DNAJA4: variants seen among roughly 807,000 people sequenced by gnomAD.
The protein encoded by DNAJA4 is DnaJ heat shock protein family (Hsp40) member A4.
A neutral mutation model predicts 39.7 loss-of-function variants in DNAJA4; 32 were observed. The ratio of observed to expected loss-of-function variants is 0.81; its 90% CI spans 0.61 to 1.08. The LOEUF (loss-of-function observed/expected upper bound fraction) is 1.08, where lower values mean the gene tolerates loss of function less well. Ranked by LOEUF, DNAJA4 falls within the 50% of genes least tolerant of loss-of-function variation. DNAJA4 has a pLI of 0.00. For missense variants in DNAJA4, 439 were observed against 505.1 expected (o/e 0.87, Z 1.25); for synonymous variants, 184 against 182.4 (o/e 1.01, Z -0.07).
Position 78,280,571 on chromosome 15 carries a change from G to A in DNAJA4, c.*111G>A. ...CTTGTGTTTGGGATGTCCTGTGTATGTGTTCAGCATTCTTAATTGCTGAGT... is the reference window on the plus strand; with the variant it reads ...CTTGTGTTTGGGATGTCCTGTGTATATGTTCAGCATTCTTAATTGCTGAGT... On this transcript the variant is annotated 3_prime_UTR_variant, in exon 7 of 7. Transcript: ENST00000394852. 2.2e-6 allele frequency: 2 copies of A among 915,244 alleles called. No homozygotes were observed. Among genetic ancestry groups the A allele is most frequent in the East Asian group, 5.3e-5 (2 of 37,540 alleles). The allele number at this position is 915,244 out of a possible 1,614,324, so 56.7% of individuals were successfully genotyped here. A position where few individuals can be genotyped will look rare whatever the true frequency, so the allele number is the denominator to read the frequency against.
At chr15:78,276,423 C>T (rs748766887) in intron 5 of DNAJA4, among the ~76,000 whole-genome samples, 2 of 152,252 alleles carry the variant, frequency 1.3e-5, no homozygotes, top group Admixed American at 6.5e-5. Flanking sequence ...GCTCAGCCCC[C>T]AACCCCCCTG....
intron 4 of DNAJA4, 79 bp from the exon 5 acceptor site, chr15:78,275,419 T>A (rs2049425339): frequency 8.4e-6 from 10 of 1,185,700 alleles, no homozygotes; most frequent in Middle Eastern, 2.0e-4. Context: ...CCTGAAGGAC[T>A]CTGTTCCTTC....
chr15:78,274,339 C>T lies in DNAJA4; in HGVS notation c.561C>T (p.Arg187=). The T allele has an allele frequency of 1.2e-6, 2 of 1,614,188 alleles. No homozygotes were observed. The highest frequency in any genetic ancestry group is 2.2e-5 in the South Asian group (2 of 91,082). Residue 187 remains arginine (R), a synonymous_variant, in exon 4 of 7, where the codon CGC becomes CGT. Transcript: ENST00000394852. ...TCGAGTGCAAGGGCCAGGGTGAGCG[C>T]ATCAACCCCAAGGACCGCTGCGAGA... ...VCIECKGQGE[R]INPKDRCESC... is the part of the protein sequence containing the mutation.
chr15:78,264,979 T>G lies in DNAJA4; in HGVS notation c.132+84T>G, dbSNP rs547537187. 4 of 1,396,158 alleles carry G rather than the reference T, an allele frequency of 2.9e-6. No homozygotes were observed. In the South Asian group the frequency reaches 5.6e-5, roughly 20 times the overall value. The allele number at this position is 1,396,158 out of a possible 1,614,324, so 86.5% of individuals were successfully genotyped here. ...GGAGCATTGAAGGCGACGGGAAACCTGAGCCGCGTTTGTTGGGGAGGCTGT... is the reference window on the plus strand; with the variant it reads ...GGAGCATTGAAGGCGACGGGAAACCGGAGCCGCGTTTGTTGGGGAGGCTGT... On this transcript the variant is annotated intron_variant, in intron 1 of 6. Coordinates refer to ENST00000394852, the MANE Select transcript of DNAJA4 (RefSeq NM_001130182.2).
upstream of DNAJA4, chr15:78,264,454 GC>G: frequency 7.5e-7 from 1 of 1,326,138 alleles, no homozygotes; most frequent in Non-Finnish European, 9.6e-7. Flanking sequence ...CCGCCGCGGG[GC>G]CGCCGGAACC....
chr15:78,278,272 G>A (rs1311357030), intron 5 of DNAJA4: 2 of 455,996 alleles, frequency 4.4e-6, no homozygotes, highest in South Asian at 1.5e-5. Context: ...AGCATGGGGA[G>A]TAGGGCTTGA....
At chr15:78,266,369 G>C (rs1400134288) in intron 1 of DNAJA4, 1 of 1,336,598 alleles carries the variant, frequency 7.5e-7, no homozygotes, top group Non-Finnish European at 1.1e-6. Context: ...TAAAAAATTA[G>C]ACTTGACCTG....
intron 5 of DNAJA4, chr15:78,278,294 A>C (rs1430906299): frequency 2.2e-6 from 1 of 455,952 alleles, no homozygotes; most frequent in Non-Finnish European, 4.4e-6. Context: ...AGCAGCAAGA[A>C]GCGACACCTG....
rs781248827 is a variant in DNAJA4 at position 78,275,712 on chromosome 15, T to C, written c.861T>C (p.Val287=). ...TIKTLDNRIL[V]ITSKAGEVIK... is the part of the protein sequence containing the mutation. Reference sequence around the variant, plus strand: ...AAACATTGGACAATCGAATTCTTGTTATTACATCCAAAGCAGGTAATGTTT... The same window carrying C: ...AAACATTGGACAATCGAATTCTTGTCATTACATCCAAAGCAGGTAATGTTT... The change falls in exon 5 of 7, where the codon GTT becomes GTC. Residue 287 remains valine (V), a synonymous_variant. Transcript: ENST00000394852. 8.1e-6 allele frequency: 13 copies of C among 1,607,878 alleles called. No homozygotes were observed. The African/African-American group carries it at 1.6e-4, about 20-fold the overall frequency.
In DNAJA4 at chr15:78,282,170, T is replaced by C. The variant is rs2049678176; in HGVS notation, c.*1710T>C. 1 of 152,178 alleles carries C rather than the reference T, an allele frequency of 6.6e-6. No individual in the cohort carries two copies. The highest frequency in any genetic ancestry group is 2.4e-5 in the African/African-American group (1 of 41,428). 9.4% of individuals were successfully genotyped at this position (152,178 alleles called of 1,614,324 possible). On this transcript the variant is annotated 3_prime_UTR_variant, in exon 7 of 7. Coordinates refer to ENST00000394852, the MANE Select transcript of DNAJA4 (RefSeq NM_001130182.2). ...CACCTGTACATTTGTCACTTTAAAA[T>C]TAAAATTGAGCTGGTATGAGAGATA...
At chr15:78,278,655 A>G (rs1212415451) in intron 5 of DNAJA4, among the ~76,000 whole-genome samples, 2 of 151,074 alleles carry the variant, frequency 1.3e-5, no homozygotes, top group Non-Finnish European at 3.0e-5. Flanking sequence ...GCATGACTGT[A>G]TTTCTTTTTT....
In DNAJA4 at chr15:78,277,538, C is replaced by T. The variant is rs137960945; in HGVS notation, c.877+1810C>T. ...AGGAGTTTGAGGATCACAGTTTACA[C>T]GAAGCTCCAGACCACTGGTTGTGAG... is the stretch of plus-strand genomic sequence containing the variant. On this transcript the variant is annotated intron_variant, in intron 5 of 6. Coordinates refer to ENST00000394852, the MANE Select transcript of DNAJA4 (RefSeq NM_001130182.2). 7.2e-4 allele frequency among the ~76,000 whole-genome samples: 110 copies of T among 152,314 alleles called. 3 individuals carry two copies. The highest frequency in any genetic ancestry group is 2.6e-3 in the African/African-American group (107 of 41,580).
chr15:78,278,199 T>C (rs2049530863), intron 5 of DNAJA4: 1 of 455,998 alleles, frequency 2.2e-6, no homozygotes. Context: ...CGTGGTCTTC[T>C]TCTCTTACCT....
chr15:78,264,747 C>T lies in DNAJA4; in HGVS notation c.-17C>T, dbSNP rs764935575. ...GGCGCTCTGACCGGCCTCGCCCGCC[C>T]CCCCCGCAGACACAAGATGGTGAAG... On this transcript the variant is annotated 5_prime_UTR_variant, in exon 1 of 7. Coordinates refer to ENST00000394852, the MANE Select transcript of DNAJA4 (RefSeq NM_001130182.2). 83 of 1,563,870 alleles carry T rather than the reference C, an allele frequency of 5.3e-5. No homozygotes were observed. The East Asian group carries it at 1.5e-3, about 29-fold the overall frequency.
chr15:78,276,569 G>A (rs2049464709), intron 5 of DNAJA4, among the ~76,000 whole-genome samples: 1 of 152,276 alleles, frequency 6.6e-6, no homozygotes, highest in Non-Finnish European at 1.5e-5. Flanking sequence ...ACTTGAAGCT[G>A]CTTCTGAATA....
intron 1 of DNAJA4, 94 bp downstream of exon 1, chr15:78,264,989 T>A (rs1272014423): frequency 1.5e-6 from 2 of 1,358,004 alleles, no homozygotes; most frequent in Admixed American, 5.4e-5. Flanking sequence ...TGAGCCGCGT[T>A]TGTTGGGGAG....
chr15:78,268,385 T>C (rs1240605890), intron 1 of DNAJA4, among the ~76,000 whole-genome samples: 1 of 152,228 alleles, frequency 6.6e-6, no homozygotes, highest in African/African-American at 2.4e-5. Context: ...TCAAAAGATC[T>C]AGCTGCCTTA....
chr15:78,264,329 A>C (rs2049053987), upstream of DNAJA4: 1 of 1,421,638 alleles, frequency 7.0e-7, no homozygotes, highest in African/African-American at 1.5e-5. Flanking sequence ...CCGGGGCGGC[A>C]GTCAGAGCTG....
upstream of DNAJA4, chr15:78,264,273 G>C (rs559998101): frequency 8.9e-5 from 118 of 1,322,228 alleles, 1 homozygote; most frequent in East Asian, 3.1e-3. Flanking sequence ...AGTTGTCGGA[G>C]GGCGCCCTCC....
Sources: allele counts gnomAD v4.1 joint callset (sites outside exome capture counted in the v4.1 genomes callset), GRCh38; gene constraint gnomAD v4.1.1; transcripts MANE v1.5; gene names NCBI Gene and HGNC (gene_info 2026-07-23, HGNC 2026-07-21).